MGAM: variants seen among roughly 807,000 people sequenced by gnomAD.
The protein encoded by MGAM is alpha-1,4-glucosidase.
MGAM carries 253 observed loss-of-function variants against 358.8 expected under a neutral mutation model. That is an observed-to-expected ratio of 0.71 (90% CI 0.64 to 0.78). MGAM has a LOEUF of 0.78. Ranked by LOEUF, MGAM falls within the 30% of genes least tolerant of loss-of-function variation. The probability of loss-of-function intolerance (pLI) is 0.00; values close to 1 mark genes in which losing one functional copy is unlikely to be tolerated. For synonymous variants in MGAM, 1,105 were observed against 1,227.1 expected, an observed-to-expected ratio of 0.90 and a Z score of 2.08; for missense variants, 3,080 against 3,432.6, an observed-to-expected ratio of 0.90 and a Z score of 2.57.
intron 7 of MGAM, among the ~76,000 whole-genome samples, chr7:142,022,728 C>T (rs533513413): frequency 3.3e-5 from 5 of 152,214 alleles, no homozygotes; most frequent in Admixed American, 2.6e-4. Flanking sequence ...AAAGAAGGTA[C>T]TCAATAAATG....
rs560403809 is a variant in MGAM, at chr7:142,099,793, A to G, written c.7874+56A>G. The G allele has an allele frequency of 6.9e-6, 11 of 1,592,952 alleles. No homozygotes were observed. In the South Asian group the frequency reaches 1.0e-4, roughly 15 times the overall value. On this transcript the variant is annotated intron_variant, in intron 67 of 70. Transcript: ENST00000475668. ...ATGTCAGTTAGCTCAACAATTTGTA[A>G]TGAAGTCCACCAAAATGTAAGCATC... is the stretch of plus-strand genomic sequence containing the variant.
At chr7:142,043,664 T>C (rs1291669754) in intron 21 of MGAM, among the ~76,000 whole-genome samples, 2 of 120,758 alleles carry the variant, frequency 1.7e-5, no homozygotes, top group African/African-American at 8.8e-5. Context: ...ATAATACATA[T>C]ATTATATATA....
chr7:142,076,920 C>T lies in MGAM; in HGVS notation c.5493+94C>T. 2 of 1,350,848 alleles carry T rather than the reference C, an allele frequency of 1.5e-6. 1 individual carries two copies. Among genetic ancestry groups the T allele is most frequent in the Non-Finnish European group, 2.1e-6 (2 of 959,400 alleles). The allele number at this position is 1,350,848 out of a possible 1,614,324, so 83.7% of individuals were successfully genotyped here. ...AAGTTTGCATGGGTCCCTGAAGTAC[C>T]AGGGCACCTTTGATGCATGTTTTGG... is the stretch of plus-strand genomic sequence containing the variant. On this transcript the variant is annotated intron_variant, in intron 47 of 70. Transcript: ENST00000475668.
At chr7:142,032,487 TTATATG>T (rs1807596344) in intron 13 of MGAM, among the ~76,000 whole-genome samples, 1 of 152,192 alleles carries the variant, frequency 6.6e-6, no homozygotes, top group Non-Finnish European at 1.5e-5. Flanking sequence ...TTATATGTAT[TTATATG>T]TATATGTATT....
intron 1 of MGAM, among the ~76,000 whole-genome samples, chr7:142,003,888 CA>C (rs1310395952): frequency 6.6e-6 from 1 of 151,680 alleles, no homozygotes; most frequent in Non-Finnish European, 1.5e-5. Context: ...AGGACATGAA[CA>C]GGTATTTTTC....
chr7:141,992,340 C>G (rs184093132), upstream of MGAM, among the ~76,000 whole-genome samples: 17 of 152,168 alleles, frequency 1.1e-4, no homozygotes, highest in African/African-American at 3.9e-4. Flanking sequence ...CTGCCCTGTT[C>G]GGATCTGGAA....
At chr7:142,044,766 T>C (rs1392855789) in intron 21 of MGAM, among the ~76,000 whole-genome samples, 1 of 87,870 alleles carries the variant, frequency 1.1e-5, no homozygotes, top group East Asian at 2.6e-4. Flanking sequence ...ATATATAATG[T>C]ATATTATATA....
At chr7:142,020,654 C>G (rs1806361996) in intron 4 of MGAM, among the ~76,000 whole-genome samples, 1 of 145,616 alleles carries the variant, frequency 6.9e-6, no homozygotes, top group Non-Finnish European at 1.5e-5. Context: ...CAGGCTGGAG[C>G]TGTGGTGCGA....
chr7:142,036,597 T>C (rs28716240), intron 17 of MGAM, among the ~76,000 whole-genome samples: 10,643 of 152,216 alleles, frequency 0.07, 1,227 homozygotes, highest in African/African-American at 0.24. Context: ...TCAAAATTAT[T>C]TAAATTGCAG....
At chr7:141,995,082 C>T (rs1804130455), upstream of MGAM, among the ~76,000 whole-genome samples, 1 of 152,142 alleles carries the variant, frequency 6.6e-6, no homozygotes, top group South Asian at 2.1e-4. Flanking sequence ...TATTCTTTAG[C>T]AAAGTCTAAG....
chr7:142,041,848 G>C (rs1479824138), intron 21 of MGAM, among the ~76,000 whole-genome samples: 2 of 118,370 alleles, frequency 1.7e-5, no homozygotes, highest in Non-Finnish European at 3.4e-5. Flanking sequence ...CCACTTTCAA[G>C]TTTCTGGTCA....
upstream of MGAM, among the ~76,000 whole-genome samples, chr7:141,991,260 G>A (rs1331776929): frequency 6.6e-6 from 1 of 152,104 alleles, no homozygotes; most frequent in Non-Finnish European, 1.5e-5. Flanking sequence ...TTCTCATAGT[G>A]CCTTGTTTGT....
In MGAM at chr7:142,012,477, G is replaced by A. The variant is rs117693688; in HGVS notation, c.327+3772G>A. Among the ~76,000 whole-genome samples the A allele has an allele frequency of 1.2e-3, 190 of 152,156 alleles. 4 individuals carry two copies. In the East Asian group the frequency reaches 0.025, roughly 20 times the overall value. On this transcript the variant is annotated intron_variant, in intron 3 of 70. Transcript: ENST00000475668. ...CCCCACTGTTAATACTAACATACTG[G>A]CAACACGTGAATTTTGGAGGGGGCA...
At chr7:142,028,642 G>T (rs1554461829) in intron 10 of MGAM, among the ~76,000 whole-genome samples, 1 of 152,176 alleles carries the variant, frequency 6.6e-6, no homozygotes, top group East Asian at 1.9e-4. Context: ...TCTCTTTAGA[G>T]TGGTCATTTT....
At chr7:142,103,150 T>C in intron 69 of MGAM, 119 bp from the exon 70 acceptor site, 2 of 842,618 alleles carry the variant, frequency 2.4e-6, no homozygotes, top group Non-Finnish European at 3.6e-6. Flanking sequence ...GATCCAAAGT[T>C]ACAAGATGGT....
rs1442855527 is a variant in MGAM, at chr7:142,059,891, T to C, written c.3984T>C (p.Tyr1328=). ...PAISGNETQP[Y]PAFTRGVEDD... is the part of the protein sequence containing the mutation. ...TTTCTGGCAATGAGACACAGCCTTA[T>C]CCTGCCTTCACTCGGGGCGTGGAGG... Residue 1328 remains tyrosine (Y), a synonymous_variant, in exon 33 of 71, where the codon TAT becomes TAC. Transcript: ENST00000475668. 6.2e-7 allele frequency: 1 copy of C among 1,611,388 alleles called. No homozygotes were observed. The highest frequency in any genetic ancestry group is 8.5e-7 in the Non-Finnish European group (1 of 1,178,812).
At chr7:142,024,148 G>A (rs782495102) in intron 7 of MGAM, among the ~76,000 whole-genome samples, 2 of 152,120 alleles carry the variant, frequency 1.3e-5, no homozygotes, top group Non-Finnish European at 2.9e-5. Context: ...AGAATGGCAT[G>A]AACCCAGGAG....
At position 142,047,797 on chromosome 7, in the gene MGAM, TCTTGGTCTTATCATTGCCCTAGATGA is replaced by T. The variant is rs1332383494; in HGVS notation, c.2512_2537del (p.Leu838GlufsTer12). 1 of 1,612,560 alleles carries T rather than the reference TCTTGGTCTTATCATTGCCCTAGATGA, an allele frequency of 6.2e-7. No individual in the cohort carries two copies. The highest frequency in any genetic ancestry group is 8.5e-7 in the Non-Finnish European group (1 of 1,178,794). ...TTGTTCCCCACAGTCGAAAGAACCC[TCTTGGTCTTATCATTGCCCTAGATGA>T]GAACAAAGAAGCAAAAGGAGAACTT... On this transcript the variant is annotated frameshift_variant, in exon 22 of 71. Transcript: ENST00000475668. LOFTEE classifies it high-confidence loss of function.
Position 142,057,056 on chromosome 7 carries a change from G to C in MGAM, c.3693+114G>C, listed in dbSNP as rs1047924243. On this transcript the variant is annotated intron_variant, in intron 30 of 70. Transcript: ENST00000475668. ...CAACTGGAAATATTGGTCTTTCTTG[G>C]AGAGAGATTATAGAATGAGAAAAAA... 6 of 923,986 alleles carry C rather than the reference G, an allele frequency of 6.5e-6. No homozygotes were observed. In the Admixed American group the frequency reaches 8.5e-5, roughly 13 times the overall value. 57.2% of individuals were successfully genotyped at this position (923,986 alleles called of 1,614,324 possible).
Sources: allele counts gnomAD v4.1 joint callset (sites outside exome capture counted in the v4.1 genomes callset), GRCh38; gene constraint gnomAD v4.1.1; transcripts MANE v1.5; gene names NCBI Gene and HGNC (gene_info 2026-07-23, HGNC 2026-07-21).